CNTNAP5: variants seen among roughly 807,000 people sequenced by gnomAD.
CNTNAP5 encodes contactin associated protein family member 5.
In CNTNAP5, 72 loss-of-function variants were observed where a neutral mutation model predicts 150.2. The observed-to-expected ratio is 0.48, with a 90% CI of 0.40 to 0.58. The LOEUF is 0.58. Among genes scored for constraint, CNTNAP5 ranks in the 20% least tolerant of loss-of-function variants. CNTNAP5 has a pLI of 0.00. For missense variants in CNTNAP5, 1,636 were observed against 1,626.2 expected, an observed-to-expected ratio of 1.01 and a Z score of -0.10; for synonymous variants, 672 against 619.8, an observed-to-expected ratio of 1.08 and a Z score of -1.25.
intron 2 of CNTNAP5, among the ~76,000 whole-genome samples, chr2:124,240,256 G>A (rs1229260655): frequency 2.0e-5 from 3 of 152,158 alleles, no homozygotes; most frequent in African/African-American, 7.2e-5. Flanking sequence ...ACGTGTTCAA[G>A]TAGGCAAGTA....
intron 3 of CNTNAP5, among the ~76,000 whole-genome samples, chr2:124,267,506 T>C (rs1315238079): frequency 6.6e-6 from 1 of 152,146 alleles, no homozygotes; most frequent in Non-Finnish European, 1.5e-5. Flanking sequence ...TGTCATTTAA[T>C]TGTGAAGTGT....
In CNTNAP5 at chr2:124,220,946, A is replaced by G. The variant is rs1686292337; in HGVS notation, c.83-759A>G. ...CTTTCCATGAGATTGGATGGTCAGG[A>G]TATCAGTGTCAACCCGGAGGGGTAT... On this transcript the variant is annotated intron_variant, in intron 1 of 23. Coordinates refer to ENST00000682447, the MANE Select transcript of CNTNAP5 (RefSeq NM_001367498.1). 3.9e-5 allele frequency among the ~76,000 whole-genome samples: 6 copies of G among 152,116 alleles called. No homozygotes were observed. The South Asian group carries it at 1.2e-3, about 31-fold the overall frequency.
At chr2:124,242,463 C>A (rs758076673) in intron 3 of CNTNAP5, 70 bp downstream of exon 3, 24 of 1,406,136 alleles carry the variant, frequency 1.7e-5, no homozygotes, top group Non-Finnish European at 2.3e-5. Context: ...ATATTTCCGT[C>A]ATTTTCCAAT....
chr2:124,385,802 C>T (rs1690912654), intron 3 of CNTNAP5, among the ~76,000 whole-genome samples: 1 of 152,134 alleles, frequency 6.6e-6, no homozygotes, highest in East Asian at 1.9e-4. Context: ...AAGAAGTGCC[C>T]CCTGAGTACT....
chr2:124,574,446 T>G (rs1696231745), intron 11 of CNTNAP5, among the ~76,000 whole-genome samples: 2 of 152,218 alleles, frequency 1.3e-5, no homozygotes, highest in Non-Finnish European at 2.9e-5. Context: ...TAGCCTAAAA[T>G]AACAATTACA....
At chr2:124,673,181 A>G (rs758022913) in intron 13 of CNTNAP5, among the ~76,000 whole-genome samples, 28 of 152,282 alleles carry the variant, frequency 1.8e-4, no homozygotes, top group African/African-American at 3.6e-4. Flanking sequence ...TGAGCTTACT[A>G]CTAACAATAA....
chr2:124,224,134 TA>T (rs1243768663), intron 2 of CNTNAP5, among the ~76,000 whole-genome samples: 1 of 152,072 alleles, frequency 6.6e-6, no homozygotes, highest in Non-Finnish European at 1.5e-5. Flanking sequence ...CAAGCAAGGA[TA>T]TTGATAAAGT....
At chr2:124,084,535 C>A (rs1489562163) in intron 1 of CNTNAP5, among the ~76,000 whole-genome samples, 1 of 152,060 alleles carries the variant, frequency 6.6e-6, no homozygotes, top group African/African-American at 2.4e-5. Flanking sequence ...TCTCAAAGTG[C>A]TGGGATTACA....
At position 124,417,604 on chromosome 2, in the gene CNTNAP5, T is replaced by C; in HGVS notation, c.529+14T>C. ...GATGTTCCTATAGTAAGTACTCACA[T>C]GTACCCTTTACCATTGCTGAGTGTG... On this transcript the variant is annotated intron_variant, in intron 4 of 23. Transcript: ENST00000682447. 2 of 1,609,896 alleles carry C rather than the reference T, an allele frequency of 1.2e-6. No homozygotes were observed. The highest frequency in any genetic ancestry group is 1.7e-6 in the Non-Finnish European group (2 of 1,177,362).
At chr2:124,531,989 G>T (rs1016859077) in intron 10 of CNTNAP5, among the ~76,000 whole-genome samples, 2 of 152,142 alleles carry the variant, frequency 1.3e-5, no homozygotes, top group African/African-American at 4.8e-5. Context: ...CTGATATAAA[G>T]TTCTGCCAGG....
chr2:124,560,207 T>A (rs1695856063), intron 10 of CNTNAP5, among the ~76,000 whole-genome samples: 2 of 152,186 alleles, frequency 1.3e-5, no homozygotes, highest in South Asian at 4.1e-4. Flanking sequence ...TCTTTTGTTT[T>A]AAAAACATTT....
chr2:124,556,442 A>T (rs574405684), intron 10 of CNTNAP5, among the ~76,000 whole-genome samples: 2 of 152,172 alleles, frequency 1.3e-5, no homozygotes. Context: ...AGGAAAAAAA[A>T]GTTTGGTTAA....
chr2:124,563,293 A>G lies in CNTNAP5; in HGVS notation c.1726A>G (p.Thr576Ala), dbSNP rs1161601377. ...WTTFYCNCSD[T>A]SYTGATCHNS... The stretch of plus-strand genomic sequence containing the variant: ...TACCTTCTATTGTAACTGCAGTGAC[A>G]CAAGTTACACTGGTGCCACCTGCCA... The change falls in exon 11 of 24, where the codon ACA becomes GCA. Residue 576 changes from threonine (T) to alanine (A), a missense_variant. Physicochemically the swap from Thr to Ala is moderately conservative, Grantham distance 58 (BLOSUM62 0). Transcript: ENST00000682447. 1.9e-6 allele frequency: 3 copies of G among 1,570,096 alleles called. No individual in the cohort carries two copies. The highest frequency in any genetic ancestry group is 2.7e-5 in the African/African-American group (2 of 74,078).
chr2:124,504,381 C>T lies in CNTNAP5; in HGVS notation c.1152C>T (p.Thr384=), dbSNP rs1212645110. 3 of 1,613,918 alleles carry T rather than the reference C, an allele frequency of 1.9e-6. No homozygotes were observed. Among genetic ancestry groups the T allele is most frequent in the Admixed American group, 1.7e-5 (1 of 60,010 alleles). Residue 384 remains threonine, a synonymous_variant, in exon 8 of 24, where the codon ACC becomes ACT. Coordinates refer to ENST00000682447, the MANE Select transcript of CNTNAP5 (RefSeq NM_001367498.1). ...GCAGCTATTTGCTGCTGCCCGGCACCCCCCAAATTGATGGGCTCTCAGTGA... is the reference window on the plus strand; with the variant it reads ...GCAGCTATTTGCTGCTGCCCGGCACTCCCCAAATTGATGGGCTCTCAGTGA... ...SSGSYLLLPG[T]PQIDGLSVSF...
chr2:124,688,546 A>G (rs551432109), intron 13 of CNTNAP5, among the ~76,000 whole-genome samples: 41 of 152,200 alleles, frequency 2.7e-4, no homozygotes, highest in African/African-American at 9.1e-4. Flanking sequence ...TAAGTCATAG[A>G]ATGTTGGGTT....
intron 1 of CNTNAP5, among the ~76,000 whole-genome samples, chr2:124,083,942 G>A (rs1021561594): frequency 1.2e-4 from 18 of 151,806 alleles, no homozygotes; most frequent in African/African-American, 4.4e-4. Flanking sequence ...GAATTTGATC[G>A]GACTTGTGTT....
intron 10 of CNTNAP5, among the ~76,000 whole-genome samples, chr2:124,550,072 T>C (rs1558949740): frequency 6.6e-6 from 1 of 152,212 alleles, no homozygotes; most frequent in Non-Finnish European, 1.5e-5. Context: ...AGATTTCCAT[T>C]AAAGTCCCCA....
rs112408463 is a variant in CNTNAP5, at chr2:124,288,362, A to G, written c.381+45969A>G. ...TATACTCTCACTGTAAATCAAGTCA[A>G]TCAATTAGTCAACAGATTTTTATTG... On this transcript the variant is annotated intron_variant, in intron 3 of 23. Transcript: ENST00000682447. Among the ~76,000 whole-genome samples, 149 of 152,322 alleles carry G rather than the reference A, an allele frequency of 9.8e-4. 1 individual carries two copies. Among genetic ancestry groups the G allele is most frequent in the African/African-American group, 3.4e-3 (143 of 41,570 alleles).
intron 1 of CNTNAP5, among the ~76,000 whole-genome samples, chr2:124,095,967 A>G (rs767782481): frequency 6.6e-6 from 1 of 152,222 alleles, no homozygotes; most frequent in African/African-American, 2.4e-5. Flanking sequence ...TCAACATTGC[A>G]TAGTGAGCAG....
Sources: gnomAD v4.1 joint callset for allele counts (sites outside exome capture counted in the v4.1 genomes callset) on GRCh38, gnomAD v4.1.1 for gene constraint, MANE v1.5 for transcripts, NCBI Gene and HGNC (gene_info 2026-07-23, HGNC 2026-07-21) for gene names.